The following FGGY variants were observed in gnomAD, a reference collection of about 807,000 sequenced individuals.
The protein encoded by FGGY is FGGY carbohydrate kinase domain-containing protein.
FGGY carries 72 observed loss-of-function variants against 71.3 expected under a neutral mutation model. The ratio of observed to expected loss-of-function variants is 1.01; its 90% CI spans 0.84 to 1.23. FGGY has a LOEUF of 1.23. Among genes scored for constraint, FGGY ranks in the 50% most tolerant of loss-of-function variants. The pLI, the probability that FGGY is intolerant of heterozygous loss-of-function variation, is 0.00. For synonymous variants in FGGY, 251 were observed against 250.3 expected, an observed-to-expected ratio of 1.00 and a Z score of -0.02; for missense variants, 668 against 682.3, an observed-to-expected ratio of 0.98 and a Z score of 0.23.
intron 4 of FGGY, among the ~76,000 whole-genome samples, chr1:59,376,278 T>C (rs932137677): frequency 2.0e-5 from 3 of 152,218 alleles, no homozygotes; most frequent in African/African-American, 7.2e-5. Context: ...TTAGGGCAGG[T>C]CCCTTTCTAG....
rs189247333 is a variant in FGGY, at chr1:59,615,441, A to C, written c.1011+7531A>C. Among the ~76,000 whole-genome samples, 99 of 152,362 alleles carry C rather than the reference A, an allele frequency of 6.5e-4. 2 individuals carry two copies. The highest frequency in any genetic ancestry group is 2.2e-3 in the African/African-American group (92 of 41,590). On this transcript the variant is annotated intron_variant, in intron 9 of 15. Transcript: ENST00000303721. ...ATGGTGCTGGGAAAACTGGCTAGCC[A>C]TATGGAGAAAGCTGAAACTGGATCC...
At chr1:59,724,859 T>C (rs1180230471) in intron 14 of FGGY, among the ~76,000 whole-genome samples, 2 of 152,254 alleles carry the variant, frequency 1.3e-5, no homozygotes, top group African/African-American at 4.8e-5. Flanking sequence ...TTAAGAGTTC[T>C]TTGTATATTC....
intron 7 of FGGY, among the ~76,000 whole-genome samples, chr1:59,531,289 A>C (rs1043577309): frequency 3.9e-5 from 6 of 152,210 alleles, no homozygotes; most frequent in African/African-American, 1.4e-4. Flanking sequence ...CCACTTTTAT[A>C]TGCCAAAATT....
chr1:59,688,396 T>C (rs1265443719), intron 14 of FGGY, among the ~76,000 whole-genome samples: 2 of 152,264 alleles, frequency 1.3e-5, no homozygotes, highest in South Asian at 2.1e-4. Context: ...ATGGGACTTA[T>C]ATCTGTTCCT....
chr1:59,499,269 G>A (rs1253671087), intron 6 of FGGY, among the ~76,000 whole-genome samples: 3 of 144,336 alleles, frequency 2.1e-5, no homozygotes, highest in African/African-American at 7.9e-5. Flanking sequence ...AAAAACATGG[G>A]TAGTACTGAA....
At chr1:59,441,570 A>G (rs1458283638) in intron 5 of FGGY, among the ~76,000 whole-genome samples, 1 of 152,176 alleles carries the variant, frequency 6.6e-6, no homozygotes, top group African/African-American at 2.4e-5. Context: ...AGAGATGATG[A>G]TGATGTTGAT....
At chr1:59,720,930 G>A (rs1013182383) in intron 14 of FGGY, among the ~76,000 whole-genome samples, 4 of 152,126 alleles carry the variant, frequency 2.6e-5, no homozygotes, top group Non-Finnish European at 5.9e-5. Flanking sequence ...CAGCAGGTCT[G>A]GCTTCGTTGC....
chr1:59,365,986 C>T (rs1402333814), intron 4 of FGGY, among the ~76,000 whole-genome samples: 2 of 152,224 alleles, frequency 1.3e-5, no homozygotes, highest in Non-Finnish European at 2.9e-5. Context: ...GTATGCCAGA[C>T]TCCAGAGTTC....
chr1:59,478,577 A>T (rs2153562125), intron 6 of FGGY, among the ~76,000 whole-genome samples: 1 of 152,370 alleles, frequency 6.6e-6, no homozygotes, highest in South Asian at 2.1e-4. Context: ...AGAGATACAG[A>T]TACAATATGT....
At chr1:59,547,363 C>G (rs1220345531) in intron 7 of FGGY, among the ~76,000 whole-genome samples, 2 of 152,064 alleles carry the variant, frequency 1.3e-5, no homozygotes, top group Admixed American at 6.5e-5. Context: ...GTTCAGCTAT[C>G]CTATTGTCTA....
At chr1:59,639,203 G>T (rs904097006) in intron 11 of FGGY, among the ~76,000 whole-genome samples, 3 of 152,192 alleles carry the variant, frequency 2.0e-5, no homozygotes, top group African/African-American at 7.2e-5. Context: ...TTATGCAAAG[G>T]AAGCCGCGTA....
intron 6 of FGGY, among the ~76,000 whole-genome samples, chr1:59,478,180 AATCTT>A (rs755990366): frequency 6.6e-6 from 1 of 152,332 alleles, no homozygotes; most frequent in Admixed American, 6.5e-5. Flanking sequence ...TCGTGGGAAC[AATCTT>A]ATCTTATCCG....
At chr1:59,413,599 A>G (rs926197683) in intron 5 of FGGY, among the ~76,000 whole-genome samples, 1 of 152,126 alleles carries the variant, frequency 6.6e-6, no homozygotes, top group African/African-American at 2.4e-5. Context: ...TGTTTCAGCT[A>G]TTTCATGCTT....
chr1:59,503,476 A>G (rs960466123), intron 6 of FGGY, among the ~76,000 whole-genome samples: 7 of 151,526 alleles, frequency 4.6e-5, no homozygotes, highest in African/African-American at 1.2e-4. Context: ...CTATTTCACT[A>G]AAAAGGTGGT....
chr1:59,693,641 G>T (rs1256813270), intron 14 of FGGY, among the ~76,000 whole-genome samples: 7 of 152,100 alleles, frequency 4.6e-5, no homozygotes, highest in Admixed American at 3.3e-4. Flanking sequence ...TGGTGGAGAA[G>T]GAGAAGAGGA....
rs556168554 is a variant in FGGY at position 59,717,876 on chromosome 1, A to G, written c.1513-40055A>G. 2.6e-5 allele frequency among the ~76,000 whole-genome samples: 4 copies of G among 152,316 alleles called. No homozygotes were observed. In the East Asian group the frequency reaches 5.8e-4, roughly 22 times the overall value. On this transcript the variant is annotated intron_variant, in intron 14 of 15. Transcript: ENST00000303721. Reference sequence around the variant, plus strand: ...CTAATTTCTCTTCTAATCGCTTAACATATATTAACTTATTTAGTCTTCAGA... The same window carrying G: ...CTAATTTCTCTTCTAATCGCTTAACGTATATTAACTTATTTAGTCTTCAGA...
At chr1:59,552,008 G>T (rs1344593198) in intron 7 of FGGY, among the ~76,000 whole-genome samples, 2 of 151,808 alleles carry the variant, frequency 1.3e-5, no homozygotes, top group Non-Finnish European at 2.9e-5. Context: ...GATGATGGAG[G>T]AGCTGAGAAG....
At chr1:59,551,116 G>C (rs911179276) in intron 7 of FGGY, among the ~76,000 whole-genome samples, 1 of 149,558 alleles carries the variant, frequency 6.7e-6, no homozygotes, top group African/African-American at 2.4e-5. Flanking sequence ...GGTGGTGGTG[G>C]AGAGAGTGAT....
At chr1:59,350,815 C>T (rs1052401422) in intron 4 of FGGY, among the ~76,000 whole-genome samples, 3 of 152,178 alleles carry the variant, frequency 2.0e-5, no homozygotes, top group Non-Finnish European at 2.9e-5. Context: ...GAAACTGAAA[C>T]ATGGACTAGA....
Sources: allele counts gnomAD v4.1 joint callset (sites outside exome capture counted in the v4.1 genomes callset), GRCh38; gene constraint gnomAD v4.1.1; transcripts MANE v1.5; gene names NCBI Gene and HGNC (gene_info 2026-07-23, HGNC 2026-07-21).